The following TGFA variants were observed in gnomAD, a reference collection of about 807,000 sequenced individuals.
TGFA encodes protransforming growth factor alpha.
A neutral mutation model predicts 21.7 loss-of-function variants in TGFA; 12 were observed. The observed-to-expected ratio is 0.55, with a 90% CI of 0.35 to 0.90. The LOEUF is 0.90. TGFA is among the 40% of genes least tolerant of loss of function. The probability of loss-of-function intolerance (pLI) is 0.01; values close to 1 mark genes in which losing one functional copy is unlikely to be tolerated. For missense variants in TGFA, 178 were observed against 210.8 expected (o/e 0.84, Z 0.96); for synonymous variants, 79 against 88.1 (o/e 0.90, Z 0.58).
Position 70,450,613 on chromosome 2 carries a change from C to T in TGFA, c.*246G>A, listed in dbSNP as rs192903653. 7.8e-5 allele frequency: 41 copies of T among 528,204 alleles called. No individual in the cohort carries two copies. In the East Asian group the frequency reaches 9.3e-4, roughly 12 times the overall value. The allele number at this position is 528,204 out of a possible 1,614,324, so 32.7% of individuals were successfully genotyped here. A position where few individuals can be genotyped will look rare whatever the true frequency, so the allele number is the denominator to read the frequency against. ...AGGTGAACAGGAGTCCGTCTCTTTG[C>T]AGTTCTTTTTTAACAAGTCTTGAAA... On this transcript the variant is annotated 3_prime_UTR_variant, in exon 6 of 6. Transcript: ENST00000295400.
intron 1 of TGFA, among the ~76,000 whole-genome samples, chr2:70,535,188 C>T (rs1215160657): frequency 6.7e-6 from 1 of 149,410 alleles, no homozygotes; most frequent in East Asian, 1.9e-4. Context: ...GAAGAAAGCA[C>T]CCTTGCCCTG....
chr2:70,527,090 G>T (rs1672660461), intron 1 of TGFA, among the ~76,000 whole-genome samples: 1 of 152,324 alleles, frequency 6.6e-6, no homozygotes, highest in East Asian at 1.9e-4. Context: ...CAGCAATAGT[G>T]CTCCTTGGTA....
intron 2 of TGFA, among the ~76,000 whole-genome samples, chr2:70,489,725 A>G (rs1317363930): frequency 5.3e-5 from 8 of 152,222 alleles, no homozygotes; most frequent in African/African-American, 1.9e-4. Context: ...GGGTCTAGCT[A>G]TAGGTTCTCT....
intron 1 of TGFA, among the ~76,000 whole-genome samples, chr2:70,529,504 T>C (rs781892744): frequency 1.3e-5 from 2 of 151,924 alleles, no homozygotes; most frequent in African/African-American, 4.8e-5. Flanking sequence ...ATAGATGACA[T>C]CTGACACAGG....
At chr2:70,453,764 T>C (rs1670135380) in intron 4 of TGFA, among the ~76,000 whole-genome samples, 1 of 152,162 alleles carries the variant, frequency 6.6e-6, no homozygotes, top group African/African-American at 2.4e-5. Flanking sequence ...AGGTTATTCA[T>C]CTGGTATTGC....
intron 3 of TGFA, among the ~76,000 whole-genome samples, chr2:70,463,437 A>C (rs1553491725): frequency 6.6e-6 from 1 of 152,164 alleles, no homozygotes; most frequent in African/African-American, 2.4e-5. Context: ...ATGGGAGAGC[A>C]GTCACCCACC....
At chr2:70,456,570 G>C in intron 3 of TGFA, 82 bp from the exon 4 acceptor site, 1 of 1,478,402 alleles carries the variant, frequency 6.8e-7, no homozygotes, top group Non-Finnish European at 9.1e-7. Context: ...TTTCCTGGAG[G>C]GACCCAGAGC....
chr2:70,479,071 GTAAT>G (rs1191549994), intron 2 of TGFA, among the ~76,000 whole-genome samples: 8 of 151,932 alleles, frequency 5.3e-5, no homozygotes, highest in African/African-American at 1.7e-4. Flanking sequence ...TTATATTTCA[GTAAT>G]TAATTTTGAC....
At chr2:70,543,804 C>CA (rs1395668537) in intron 1 of TGFA, among the ~76,000 whole-genome samples, 1 of 151,860 alleles carries the variant, frequency 6.6e-6, no homozygotes, top group Non-Finnish European at 1.5e-5. Context: ...TAGCAGAACA[C>CA]AAAAAAGATG....
At chr2:70,535,482 G>T (rs1553504252) in intron 1 of TGFA, among the ~76,000 whole-genome samples, 1 of 152,244 alleles carries the variant, frequency 6.6e-6, no homozygotes, top group African/African-American at 2.4e-5. Flanking sequence ...TCATTCCATT[G>T]CCTCTATAAG....
chr2:70,553,119 A>G (rs1673566311), intron 1 of TGFA: 1 of 1,517,464 alleles, frequency 6.6e-7, no homozygotes, highest in Non-Finnish European at 8.8e-7. Context: ...GCGGACACCG[A>G]AACCACTTCT....
At chr2:70,538,200 G>A (rs1455498802) in intron 1 of TGFA, among the ~76,000 whole-genome samples, 1 of 152,184 alleles carries the variant, frequency 6.6e-6, no homozygotes, top group Admixed American at 6.5e-5. Context: ...CTTTCAAAAT[G>A]TTACTATTCA....
intron 3 of TGFA, among the ~76,000 whole-genome samples, chr2:70,463,114 G>T (rs184748810): frequency 1.0e-3 from 159 of 152,208 alleles, no homozygotes; most frequent in Non-Finnish European, 1.9e-3. Context: ...ACCTCTGCCG[G>T]TTACTAGCTC....
At position 70,450,714 on chromosome 2, in the gene TGFA, G is replaced by T; in HGVS notation, c.*145C>A. 1 of 835,770 alleles carries T rather than the reference G, an allele frequency of 1.2e-6. No individual in the cohort carries two copies. Among genetic ancestry groups the T allele is most frequent in the Non-Finnish European group, 1.9e-6 (1 of 516,750 alleles). The allele number at this position is 835,770 out of a possible 1,614,324, so 51.8% of individuals were successfully genotyped here. A position where few individuals can be genotyped will look rare whatever the true frequency, so the allele number is the denominator to read the frequency against. ...ACGGAGTTCTTGACAGAGTTTTGAAGGCCCACAAAAGGCTGCACAGGTGAT... is the reference window on the plus strand; with the variant it reads ...ACGGAGTTCTTGACAGAGTTTTGAATGCCCACAAAAGGCTGCACAGGTGAT... On this transcript the variant is annotated 3_prime_UTR_variant, in exon 6 of 6. Coordinates refer to ENST00000295400, the MANE Select transcript of TGFA (RefSeq NM_003236.4).
chr2:70,536,208 C>A (rs1553504343), intron 1 of TGFA, among the ~76,000 whole-genome samples: 1 of 152,148 alleles, frequency 6.6e-6, no homozygotes, highest in African/African-American at 2.4e-5. Flanking sequence ...ACTAAGCAAT[C>A]CTTAATGTGT....
chr2:70,504,449 T>TATATATTTATACATAC, intron 2 of TGFA, among the ~76,000 whole-genome samples: 1 of 69,078 alleles, frequency 1.4e-5, no homozygotes, highest in Admixed American at 1.3e-4. Context: ...TATATATATA[T>TATATATTTATACATAC]ATATATATAT....
In TGFA at chr2:70,450,789, G is replaced by A; in HGVS notation, c.*70C>T. ...GGCACACCCAGGCATCTCTGGCAGT[G>A]CTGTCCTGAAGAAGCCTTTCTTTAT... On this transcript the variant is annotated 3_prime_UTR_variant, in exon 6 of 6. Coordinates refer to ENST00000295400, the MANE Select transcript of TGFA (RefSeq NM_003236.4). The A allele has an allele frequency of 6.4e-7, 1 of 1,563,652 alleles. No homozygotes were observed. Among genetic ancestry groups the A allele is most frequent in the Non-Finnish European group, 8.7e-7 (1 of 1,144,204 alleles).
At chr2:70,459,981 G>T (rs2103680722) in intron 3 of TGFA, among the ~76,000 whole-genome samples, 1 of 152,312 alleles carries the variant, frequency 6.6e-6, no homozygotes, top group Non-Finnish European at 1.5e-5. Flanking sequence ...GCCCCAAGCA[G>T]CCCAGTGGGT....
intron 1 of TGFA, among the ~76,000 whole-genome samples, chr2:70,530,029 TCTC>T (rs1443714135): frequency 2.0e-5 from 3 of 152,166 alleles, no homozygotes; most frequent in African/African-American, 7.2e-5. Flanking sequence ...TTCCCTGCCT[TCTC>T]CTTCTACTTC....
Sources: allele counts gnomAD v4.1 joint callset (sites outside exome capture counted in the v4.1 genomes callset), GRCh38; gene constraint gnomAD v4.1.1; transcripts MANE v1.5; gene names NCBI Gene and HGNC (gene_info 2026-07-23, HGNC 2026-07-21).